The following LRRTM3 variants were observed in gnomAD, a reference collection of about 807,000 sequenced individuals.
The protein encoded by LRRTM3 is leucine-rich repeat transmembrane neuronal protein 3.
LRRTM3 carries 24 observed loss-of-function variants against 44.7 expected under a neutral mutation model. The ratio of observed to expected loss-of-function variants is 0.54; its 90% CI spans 0.39 to 0.76. The LOEUF (loss-of-function observed/expected upper bound fraction) is 0.76. Among genes scored for constraint, LRRTM3 ranks in the 30% least tolerant of loss-of-function variants. The pLI is 0.00. For missense variants in LRRTM3, 587 were observed against 702.2 expected, an observed-to-expected ratio of 0.84 and a Z score of 1.85; for synonymous variants, 277 against 278.7, an observed-to-expected ratio of 0.99 and a Z score of 0.06.
intron 2 of LRRTM3, among the ~76,000 whole-genome samples, chr10:66,944,005 G>T (rs956759790): frequency 6.6e-6 from 1 of 152,116 alleles, no homozygotes; most frequent in Non-Finnish European, 1.5e-5. Context: ...TCAGGGTGGT[G>T]GTTGCTAAAA....
intron 2 of LRRTM3, among the ~76,000 whole-genome samples, chr10:67,020,099 G>A (rs1026793976): frequency 3.3e-5 from 5 of 151,974 alleles, no homozygotes; most frequent in Admixed American, 6.6e-5. Context: ...GTCCCAAATC[G>A]CCTTACAATA....
intron 2 of LRRTM3, among the ~76,000 whole-genome samples, chr10:66,985,954 C>T (rs943601696): frequency 3.3e-5 from 5 of 152,064 alleles, no homozygotes; most frequent in Non-Finnish European, 7.4e-5. Context: ...TCTCGATCTC[C>T]TGACCTCATG....
At chr10:66,961,551 C>A (rs1849108897) in intron 2 of LRRTM3, among the ~76,000 whole-genome samples, 1 of 152,046 alleles carries the variant, frequency 6.6e-6, no homozygotes, top group African/African-American at 2.4e-5. Context: ...TGGGGTGTCC[C>A]AGGTTAGCCC....
intron 2 of LRRTM3, among the ~76,000 whole-genome samples, chr10:66,973,873 C>A (rs1332053994): frequency 6.6e-6 from 1 of 152,192 alleles, no homozygotes; most frequent in African/African-American, 2.4e-5. Context: ...TTATCCCCCT[C>A]GGCCTCCCAA....
At chr10:67,057,091 T>C (rs750900325) in intron 2 of LRRTM3, among the ~76,000 whole-genome samples, 18 of 152,218 alleles carry the variant, frequency 1.2e-4, no homozygotes, top group Non-Finnish European at 1.2e-4. Context: ...TTAGAAAAGT[T>C]AGCTGATCTA....
Position 66,926,422 on chromosome 10 carries a change from GAAT to G in LRRTM3, c.-158_-156del. ...TGGAGTGTTCTGCGTGGCTGGCAAA[GAAT>G]AATGTTCCAAAATCGGTCCATCTCC... On this transcript the variant is annotated 5_prime_UTR_variant, in exon 1 of 3. It adds an upstream start codon to the 5' untranslated region. Coordinates refer to ENST00000361320, the MANE Select transcript of LRRTM3 (RefSeq NM_178011.5). 1 of 729,418 alleles carries G rather than the reference GAAT, an allele frequency of 1.4e-6. No homozygotes were observed. Among genetic ancestry groups the G allele is most frequent in the Non-Finnish European group, 2.4e-6 (1 of 412,868 alleles). 45.2% of individuals were successfully genotyped at this position (729,418 alleles called of 1,614,324 possible).
chr10:67,083,157 C>T (rs1250589262), intron 2 of LRRTM3, among the ~76,000 whole-genome samples: 1 of 151,924 alleles, frequency 6.6e-6, no homozygotes, highest in Admixed American at 6.6e-5. Context: ...ATCCATAGGT[C>T]TACCTAATTT....
intron 2 of LRRTM3, among the ~76,000 whole-genome samples, chr10:67,001,019 T>C (rs1202969099): frequency 6.6e-6 from 1 of 151,980 alleles, no homozygotes; most frequent in South Asian, 2.1e-4. Context: ...AAAAATTAAA[T>C]AGGCCAGGTG....
chr10:66,927,014 G>A lies in LRRTM3; in HGVS notation c.98G>A (p.Gly33Glu). The change falls in exon 2 of 3, where the codon GGA (glycine) becomes GAA (glutamate). Residue 33 changes from glycine (G) to glutamate (E), a missense_variant. By Grantham distance (98) the Gly-to-Glu change is moderately conservative. Coordinates refer to ENST00000361320, the MANE Select transcript of LRRTM3 (RefSeq NM_178011.5). The surrounding 1 kb of genome is among the most constrained non-coding windows in gnomAD (Gnocchi z 4.7). ...LLTMLSSAERGCPKGCRCEGK... is the reference protein window; with the variant it reads ...LLTMLSSAERECPKGCRCEGK... ...ACAATGCTTTCTTCTGCCGAACGAG[G>A]ATGCCCTAAGGGCTGTAGGTGTGAA... 6.2e-7 allele frequency: 1 copy of A among 1,614,112 alleles called. No homozygotes were observed. Among genetic ancestry groups the A allele is most frequent in the Non-Finnish European group, 8.5e-7 (1 of 1,180,030 alleles).
chr10:66,985,690 T>C (rs1468447739), intron 2 of LRRTM3, among the ~76,000 whole-genome samples: 3 of 152,080 alleles, frequency 2.0e-5, no homozygotes, highest in African/African-American at 7.2e-5. Flanking sequence ...CCATTGCCCC[T>C]AGTCACTTCC....
At chr10:67,096,374 T>C (rs187556635) in intron 2 of LRRTM3, among the ~76,000 whole-genome samples, 103 of 151,820 alleles carry the variant, frequency 6.8e-4, no homozygotes, top group African/African-American at 2.3e-3. Flanking sequence ...ATGCAGTTAA[T>C]AAAAAAATAA....
intron 2 of LRRTM3, among the ~76,000 whole-genome samples, chr10:66,950,872 T>C (rs570297048): frequency 6.6e-6 from 1 of 152,306 alleles, no homozygotes; most frequent in South Asian, 2.1e-4. Context: ...TAACCCATTT[T>C]ATAGGTAAAG....
intron 2 of LRRTM3, among the ~76,000 whole-genome samples, chr10:67,032,526 G>C (rs1853792490): frequency 6.6e-6 from 1 of 152,128 alleles, no homozygotes; most frequent in Admixed American, 6.5e-5. Context: ...TCACAAATCA[G>C]GTAAAAATAC....
chr10:66,994,513 T>G (rs965724282), intron 2 of LRRTM3, among the ~76,000 whole-genome samples: 6 of 152,202 alleles, frequency 3.9e-5, no homozygotes, highest in Middle Eastern at 3.4e-3. Context: ...ACTTCTAAAG[T>G]AGGAAAAAAG....
intron 2 of LRRTM3, among the ~76,000 whole-genome samples, chr10:66,947,294 T>C (rs1848322776): frequency 6.6e-6 from 1 of 152,178 alleles, no homozygotes; most frequent in African/African-American, 2.4e-5. Context: ...ATTTCTTGAG[T>C]TGTTCTGAGG....
Position 67,019,763 on chromosome 10 carries a change from T to A in LRRTM3, c.1537-77824T>A, listed in dbSNP as rs573421030. 8.7e-4 allele frequency among the ~76,000 whole-genome samples: 133 copies of A among 152,244 alleles called. 1 individual carries two copies. The South Asian group carries it at 0.026, about 30-fold the overall frequency. On this transcript the variant is annotated intron_variant, in intron 2 of 2. Coordinates refer to ENST00000361320, the MANE Select transcript of LRRTM3 (RefSeq NM_178011.5). ...TAATCCTTTGTCTCCATGAATACCATCTACCCTGTTTGTCCTATTTGACTT... is the reference window on the plus strand; with the variant it reads ...TAATCCTTTGTCTCCATGAATACCAACTACCCTGTTTGTCCTATTTGACTT...
chr10:66,999,300 T>C (rs957916221), intron 2 of LRRTM3, among the ~76,000 whole-genome samples: 5 of 152,156 alleles, frequency 3.3e-5, no homozygotes, highest in East Asian at 1.9e-4. Flanking sequence ...AAAATAGGCA[T>C]TGCTAAATCG....
In LRRTM3 at chr10:66,976,052, CAGTT is replaced by C. The variant is rs1423697405; in HGVS notation, c.1536+47604_1536+47607del. Reference sequence around the variant, plus strand: ...CTGTATAAAAGGCCCAATAATAGGTCAGTTAGTCCACAAAATTTTGTTGAATACT... The same window carrying C: ...CTGTATAAAAGGCCCAATAATAGGTCAGTCCACAAAATTTTGTTGAATACT... On this transcript the variant is annotated intron_variant, in intron 2 of 2. Transcript: ENST00000361320. 6.6e-5 allele frequency among the ~76,000 whole-genome samples: 10 copies of C among 152,236 alleles called. No homozygotes were observed. In the East Asian group the frequency reaches 1.9e-3, roughly 29 times the overall value.
chr10:66,927,264 T>C lies in LRRTM3; in HGVS notation c.348T>C (p.Leu116=), dbSNP rs896448749. Residue 116 remains leucine, a synonymous_variant, in exon 2 of 3, where the codon CTT becomes CTC. Transcript: ENST00000361320. The surrounding 1 kb of genome is among the most constrained non-coding windows in gnomAD (Gnocchi z 4.7). ...NGIRRLKELI[L]SSNRISYFLN... Reference sequence around the variant, plus strand: ...TACGCAGACTCAAAGAGCTGATTCTTAGTTCCAATAGAATCTCCTATTTTC... The same window carrying C: ...TACGCAGACTCAAAGAGCTGATTCTCAGTTCCAATAGAATCTCCTATTTTC... 3 of 1,614,062 alleles carry C rather than the reference T, an allele frequency of 1.9e-6. No individual in the cohort carries two copies. The highest frequency in any genetic ancestry group is 3.3e-5 in the Admixed American group (2 of 60,024).
Sources: gnomAD v4.1 joint callset for allele counts (sites outside exome capture counted in the v4.1 genomes callset) on GRCh38, gnomAD v4.1.1 for gene constraint, Gnocchi (gnomAD v3.1) non-coding constraint, MANE v1.5 for transcripts, NCBI Gene and HGNC (gene_info 2026-07-23, HGNC 2026-07-21) for gene names.